Variants in CCND3 observed in about 807,000 individuals in gnomAD.
The protein encoded by CCND3 is cyclin D3.
CCND3 carries 9 observed loss-of-function variants against 28.7 expected under a neutral mutation model. That is an observed-to-expected ratio of 0.31 (90% CI 0.19 to 0.55). The LOEUF (loss-of-function observed/expected upper bound fraction) is 0.55. CCND3 is among the 20% of genes least tolerant of loss of function. The pLI, the probability that CCND3 is intolerant of heterozygous loss-of-function variation, is 0.93. For missense variants in CCND3, 315 were observed against 385.8 expected, an observed-to-expected ratio of 0.82 and a Z score of 1.54; for synonymous variants, 164 against 163.9, an observed-to-expected ratio of 1.00 and a Z score of 0.00.
intron 3 of CCND3, 126 bp downstream of exon 3, chr6:41,937,109 G>A (rs2127390922): frequency 9.9e-7 from 1 of 1,014,422 alleles, no homozygotes; most frequent in East Asian, 2.5e-5. Context: ...TGAGACTGGG[G>A]GCTCAGAGGG....
At chr6:41,986,729 C>T (rs1397823859) in intron 1 of CCND3, among the ~76,000 whole-genome samples, 1 of 151,972 alleles carries the variant, frequency 6.6e-6, no homozygotes, top group Non-Finnish European at 1.5e-5. Context: ...AATGTTACTT[C>T]TTCTTTTCCA....
At chr6:42,002,311 T>C (rs1375154194) in intron 1 of CCND3, among the ~76,000 whole-genome samples, 1 of 151,832 alleles carries the variant, frequency 6.6e-6, no homozygotes, top group East Asian at 1.9e-4. Flanking sequence ...CTGGGTGTGG[T>C]GGTGCATGCC....
intron 1 of CCND3, among the ~76,000 whole-genome samples, chr6:42,012,145 C>T (rs1006551145): frequency 6.6e-6 from 1 of 152,182 alleles, no homozygotes; most frequent in African/African-American, 2.4e-5. Flanking sequence ...GGAGACAGGA[C>T]AACTGAATAT....
intron 1 of CCND3, among the ~76,000 whole-genome samples, chr6:41,954,250 T>TAAAAAAAAAAAAGAAAAAA (rs1776383642): frequency 2.8e-5 from 1 of 35,156 alleles, no homozygotes; most frequent in Non-Finnish European, 5.1e-5. Context: ...GATTCTGCCT[T>TAAAAAAAAAAAAGAAAAAA]AAAAAAAAAA....
In CCND3 at chr6:41,937,414, G is replaced by T; in HGVS notation, c.415-20C>A. 1.2e-6 allele frequency: 2 copies of T among 1,613,622 alleles called. No individual in the cohort carries two copies. ...CCAGTCCTGAAAAAGCGGGGAAAGG[G>T]TGGGGTCAGTGGCTGGAGAAGTGAA... On this transcript the variant is annotated intron_variant, in intron 2 of 4. Coordinates refer to ENST00000372991, the MANE Select transcript of CCND3 (RefSeq NM_001760.5).
intron 1 of CCND3, among the ~76,000 whole-genome samples, chr6:41,967,598 A>G (rs548580505): frequency 6.6e-6 from 1 of 152,360 alleles, no homozygotes; most frequent in African/African-American, 2.4e-5. Flanking sequence ...GCTTCCGGGT[A>G]GAGCCCGGGA....
chr6:42,016,665 A>G (rs1224140271), intron 1 of CCND3, among the ~76,000 whole-genome samples: 1 of 147,584 alleles, frequency 6.8e-6, no homozygotes, highest in Non-Finnish European at 1.5e-5. Context: ...GGCTCACTGC[A>G]ACCTCCAGCT....
At chr6:41,977,897 G>A (rs62417391) in intron 1 of CCND3, among the ~76,000 whole-genome samples, 15,333 of 151,994 alleles carry the variant, frequency 0.1, 868 homozygotes, top group East Asian at 0.25. Context: ...TTTACTAAAA[G>A]TACAAAGATT....
intron 1 of CCND3, among the ~76,000 whole-genome samples, chr6:42,015,535 C>T (rs1034195958): frequency 2.0e-5 from 3 of 152,094 alleles, no homozygotes; most frequent in Non-Finnish European, 4.4e-5. Flanking sequence ...ACGGTGAAAT[C>T]TCGTCTCTAC....
intron 1 of CCND3, among the ~76,000 whole-genome samples, chr6:42,022,752 G>A (rs1362411212): frequency 6.6e-6 from 1 of 152,186 alleles, no homozygotes; most frequent in African/African-American, 2.4e-5. Flanking sequence ...TGTGCAGTGG[G>A]GAAGTAGCGT....
chr6:41,988,763 A>T (rs1289968652), intron 1 of CCND3, among the ~76,000 whole-genome samples: 4 of 140,614 alleles, frequency 2.8e-5, no homozygotes, highest in Non-Finnish European at 6.0e-5. Context: ...CAGTGGCGCG[A>T]TGTCGGCTCA....
At chr6:41,941,941 T>C (rs897157147), upstream of CCND3, 203 of 175,268 alleles carry the variant, frequency 1.2e-3, 2 homozygotes, top group Non-Finnish European at 3.6e-4. This position sits in a 1 kb window ranked among gnomAD's most constrained non-coding sequence, Gnocchi z 6.1. Flanking sequence ...CGCGGCCCCA[T>C]TGGGCCGCTG....
chr6:41,964,273 CGTGT>C (rs572024974), intron 1 of CCND3, among the ~76,000 whole-genome samples: 28 of 151,000 alleles, frequency 1.9e-4, no homozygotes, highest in Admixed American at 4.6e-4. Context: ...CTTCCTCCAG[CGTGT>C]GTATGTGTGT....
chr6:42,043,021 C>T (rs951199605), intron 1 of CCND3, among the ~76,000 whole-genome samples: 3 of 152,172 alleles, frequency 2.0e-5, no homozygotes, highest in Non-Finnish European at 4.4e-5. Flanking sequence ...AGTCAGACTT[C>T]CAGCTCAGCC....
rs1294045925 is a variant in CCND3 at position 41,940,359 on chromosome 6, TACAC to T, written c.414+7_414+10del. Reference sequence around the variant, plus strand: ...AATACGTGTCGGGGGTGGGGGGAGTTACACACGCACCCGCAACTGGCGGGGAGAG... The same window carrying T: ...AATACGTGTCGGGGGTGGGGGGAGTTACGCACCCGCAACTGGCGGGGAGAG... On this transcript the variant is annotated splice_region_variant and intron_variant, in intron 2 of 4. Transcript: ENST00000372991. 6.2e-7 allele frequency: 1 copy of T among 1,609,678 alleles called. No homozygotes were observed. The highest frequency in any genetic ancestry group is 1.1e-5 in the South Asian group (1 of 91,014).
At chr6:42,017,376 G>A (rs956614334) in intron 1 of CCND3, among the ~76,000 whole-genome samples, 29 of 152,226 alleles carry the variant, frequency 1.9e-4, no homozygotes, top group African/African-American at 7.0e-4. Flanking sequence ...ACAGAACCAG[G>A]GGAGCTGGCT....
At chr6:41,954,383 C>T (rs1392760856) in intron 1 of CCND3, among the ~76,000 whole-genome samples, 1 of 150,222 alleles carries the variant, frequency 6.7e-6, no homozygotes, top group Non-Finnish European at 1.5e-5. Flanking sequence ...AACCCCATCT[C>T]TACTAAAAAT....
chr6:41,994,506 A>G (rs1257293222), intron 1 of CCND3, among the ~76,000 whole-genome samples: 3 of 152,194 alleles, frequency 2.0e-5, no homozygotes, highest in African/African-American at 7.2e-5. Context: ...GAGGATTTTT[A>G]GGGTAGTGAA....
intron 1 of CCND3, among the ~76,000 whole-genome samples, chr6:41,994,605 A>C (rs1197781287): frequency 6.6e-6 from 1 of 152,192 alleles, no homozygotes; most frequent in Non-Finnish European, 1.5e-5. Context: ...CCCTAAGGTA[A>C]ATGCTGGTCT....
Sources: gnomAD v4.1 joint callset for allele counts (sites outside exome capture counted in the v4.1 genomes callset) on GRCh38, gnomAD v4.1.1 for gene constraint, Gnocchi (gnomAD v3.1) non-coding constraint, MANE v1.5 for transcripts, NCBI Gene and HGNC (gene_info 2026-07-23, HGNC 2026-07-21) for gene names.